Variants in SUZ12 observed in about 807,000 individuals in gnomAD.
SUZ12 encodes polycomb protein SUZ12.
Under a neutral mutation model 87.3 loss-of-function variants are expected in SUZ12, and 17 were observed. The observed-to-expected ratio is 0.19, with a 90% CI of 0.13 to 0.29. The LOEUF (loss-of-function observed/expected upper bound fraction) is 0.29. Among genes scored for constraint, SUZ12 ranks in the 10% least tolerant of loss-of-function variants. The pLI, the probability that SUZ12 is intolerant of heterozygous loss-of-function variation, is 1.00. For missense variants in SUZ12, 526 were observed against 912.2 expected (o/e 0.58, Z 5.45); for synonymous variants, 253 against 312.4 (o/e 0.81, Z 2.01).
chr17:31,959,400 C>G (rs960240544), intron 4 of SUZ12, among the ~76,000 whole-genome samples: 1 of 152,084 alleles, frequency 6.6e-6, no homozygotes, highest in African/African-American at 2.4e-5. Context: ...AATTAATAGA[C>G]ACACACACAT....
chr17:31,949,705 T>TTTTTTTTTTTG (rs1367680305), intron 4 of SUZ12, among the ~76,000 whole-genome samples: 3 of 96,504 alleles, frequency 3.1e-5, no homozygotes, highest in African/African-American at 4.1e-5. Flanking sequence ...TTTTTTTTTT[T>TTTTTTTTTTTG]GAGACCAAGT....
At chr17:31,958,286 T>C (rs1291602123) in intron 4 of SUZ12, among the ~76,000 whole-genome samples, 1 of 152,018 alleles carries the variant, frequency 6.6e-6, no homozygotes, top group African/African-American at 2.4e-5. Context: ...TCTGCCCACT[T>C]TGTCCTCCTA....
intron 9 of SUZ12, 68 bp downstream of exon 9, chr17:31,983,172 C>G: frequency 6.8e-7 from 1 of 1,475,476 alleles, no homozygotes; most frequent in Non-Finnish European, 9.2e-7. Flanking sequence ...ATGTTTTCTT[C>G]CCCAAATGCT....
At chr17:31,983,224 A>G (rs1909212002) in intron 9 of SUZ12, 120 bp downstream of exon 9, 1 of 991,090 alleles carries the variant, frequency 1.0e-6, no homozygotes. Context: ...TTATACTTTA[A>G]AAAACACAAG....
intron 4 of SUZ12, among the ~76,000 whole-genome samples, chr17:31,948,334 AT>A (rs1457250853): frequency 6.6e-6 from 1 of 152,086 alleles, no homozygotes; most frequent in Non-Finnish European, 1.5e-5. Context: ...CGTAAACTTT[AT>A]TTTTTGATAT....
At chr17:31,989,511 G>C (rs906411808) in intron 10 of SUZ12, among the ~76,000 whole-genome samples, 27 of 152,150 alleles carry the variant, frequency 1.8e-4, no homozygotes, top group Non-Finnish European at 2.9e-5. Context: ...AAACTTACAA[G>C]AAAACTATTG....
intron 10 of SUZ12, among the ~76,000 whole-genome samples, chr17:31,992,319 C>T (rs145362807): frequency 6.6e-6 from 1 of 152,264 alleles, no homozygotes; most frequent in East Asian, 1.9e-4. Flanking sequence ...ATTCTGACCT[C>T]AGAGTGCTTA....
intron 9 of SUZ12, among the ~76,000 whole-genome samples, chr17:31,987,334 C>G (rs76481064): frequency 0.058 from 8,857 of 152,158 alleles, 627 homozygotes; most frequent in African/African-American, 0.15. Context: ...ATTGGAGATA[C>G]GAGTTTACAG....
chr17:31,971,408 T>G (rs1281507491), intron 5 of SUZ12, among the ~76,000 whole-genome samples: 1 of 151,492 alleles, frequency 6.6e-6, no homozygotes, highest in African/African-American at 2.4e-5. Context: ...TTGAATGTGG[T>G]TGTCTCCTGC....
intron 8 of SUZ12, among the ~76,000 whole-genome samples, chr17:31,979,625 G>T (rs975651129): frequency 2.0e-5 from 3 of 152,124 alleles, no homozygotes; most frequent in African/African-American, 4.8e-5. Context: ...AATATTTTTG[G>T]CAGGGATTCT....
intron 4 of SUZ12, among the ~76,000 whole-genome samples, chr17:31,955,160 G>A (rs1907234122): frequency 6.6e-6 from 1 of 152,072 alleles, no homozygotes. Context: ...GCAGTACAGT[G>A]GTGTGATCAT....
chr17:31,942,196 AT>A (rs1567811047), intron 3 of SUZ12, among the ~76,000 whole-genome samples: 2 of 151,844 alleles, frequency 1.3e-5, no homozygotes, highest in Non-Finnish European at 2.9e-5. Flanking sequence ...GGATTTAAAT[AT>A]TTACTAAAGG....
At chr17:31,977,438 C>T (rs1357474752) in intron 8 of SUZ12, among the ~76,000 whole-genome samples, 1 of 152,056 alleles carries the variant, frequency 6.6e-6, no homozygotes, top group Non-Finnish European at 1.5e-5. Flanking sequence ...TGCCACCACG[C>T]CCAGCTAATT....
At chr17:31,949,249 T>C (rs1906805574) in intron 4 of SUZ12, among the ~76,000 whole-genome samples, 1 of 152,212 alleles carries the variant, frequency 6.6e-6, no homozygotes, top group Non-Finnish European at 1.5e-5. Context: ...CTCTGAACAA[T>C]TGTTTCCCCA....
chr17:31,966,517 T>G (rs1598165800), intron 5 of SUZ12: 1 of 212,544 alleles, frequency 4.7e-6, no homozygotes, highest in East Asian at 1.4e-4. Context: ...TGGCTAATTT[T>G]TTGTATTTTT....
chr17:31,950,235 C>T (rs1030228218), intron 4 of SUZ12, among the ~76,000 whole-genome samples: 12 of 152,158 alleles, frequency 7.9e-5, no homozygotes, highest in South Asian at 2.1e-4. Flanking sequence ...TGAGCCACTG[C>T]GCCCAGCCTC....
At chr17:31,995,127 A>C (rs1186372453) in intron 13 of SUZ12, among the ~76,000 whole-genome samples, 1 of 152,250 alleles carries the variant, frequency 6.6e-6, no homozygotes. Context: ...AAAAAATTAC[A>C]AAGAGGGAAT....
Position 32,000,063 on chromosome 17 carries a change from C to T in SUZ12, c.*1060C>T, listed in dbSNP as rs1910181390. 1 of 232,896 alleles carries T rather than the reference C, an allele frequency of 4.3e-6. No homozygotes were observed. The highest frequency in any genetic ancestry group is 2.2e-5 in the African/African-American group (1 of 45,324). 14.4% of individuals were successfully genotyped at this position (232,896 alleles called of 1,614,324 possible). On this transcript the variant is annotated 3_prime_UTR_variant, in exon 16 of 16. Transcript: ENST00000322652. The stretch of plus-strand genomic sequence containing the variant: ...TATATGTGTTTCACGCACATATTTG[C>T]AGTTGGATTTTCTCCAACAGAAAGT...
In SUZ12 at chr17:31,998,855, G is replaced by A. The variant is rs1272910292; in HGVS notation, c.2072G>A (p.Gly691Glu). The change falls in exon 16 of 16, where the codon GGG (glycine) becomes GAG (glutamate). Residue 691 changes from glycine (G) to glutamate (E), a missense_variant. Transcript: ENST00000322652. ...LREMQQKLEK[G>E]ESASPANEEI... is the part of the protein sequence containing the mutation. ...GAAATGCAGCAAAAATTAGAAAAGG[G>A]GGAATCTGCTTCCCCTGCAAACGAA... 1 of 1,613,490 alleles carries A rather than the reference G, an allele frequency of 6.2e-7. No homozygotes were observed. The highest frequency in any genetic ancestry group is 2.2e-5 in the East Asian group (1 of 44,832).
Sources: gnomAD v4.1 joint callset for allele counts (sites outside exome capture counted in the v4.1 genomes callset) on GRCh38, gnomAD v4.1.1 for gene constraint, MANE v1.5 for transcripts, NCBI Gene and HGNC (gene_info 2026-07-23, HGNC 2026-07-21) for gene names.